Variants in ROBO1 observed in about 807,000 individuals in gnomAD.
ROBO1 encodes the protein roundabout homolog 1.
In ROBO1, 149 loss-of-function variants were observed where a neutral mutation model predicts 195.9. The ratio of observed to expected loss-of-function variants is 0.76; its 90% CI spans 0.67 to 0.87. ROBO1 has a LOEUF of 0.87. Among genes scored for constraint, ROBO1 ranks in the 40% least tolerant of loss-of-function variants. The pLI, the probability that ROBO1 is intolerant of heterozygous loss-of-function variation, is 0.00. For synonymous variants in ROBO1, 816 were observed against 733.2 expected, an observed-to-expected ratio of 1.11 and a Z score of -1.82; for missense variants, 1,933 against 2,068.3, an observed-to-expected ratio of 0.93 and a Z score of 1.27.
At chr3:78,967,123 CT>C (rs1372161709) in intron 3 of ROBO1, among the ~76,000 whole-genome samples, 1 of 152,034 alleles carries the variant, frequency 6.6e-6, no homozygotes, top group Admixed American at 6.6e-5. Context: ...ATTTATTTCC[CT>C]TTTAATATAC....
chr3:79,679,185 T>A (rs1373871860), intron 1 of ROBO1, among the ~76,000 whole-genome samples: 2 of 152,076 alleles, frequency 1.3e-5, no homozygotes, highest in African/African-American at 4.8e-5. Context: ...TGTGTGTGAA[T>A]ATTGAATGCT....
intron 2 of ROBO1, among the ~76,000 whole-genome samples, chr3:79,341,581 C>A (rs1037549190): frequency 1.3e-4 from 19 of 151,902 alleles, no homozygotes; most frequent in Non-Finnish European, 1.9e-4. Context: ...TGGCCTCAAG[C>A]AATCCTCCCA....
In ROBO1 at chr3:78,729,419, G is replaced by A. The variant is rs568214860; in HGVS notation, c.658-11536C>T. On this transcript the variant is annotated intron_variant, in intron 5 of 30. Transcript: ENST00000464233. ...AGTAATAATAGAAAGAAGTAACACA[G>A]CCCTCTTTAAACACAACAATTTTGC... Among the ~76,000 whole-genome samples the A allele has an allele frequency of 7.2e-5, 11 of 152,322 alleles. No homozygotes were observed. The East Asian group carries it at 2.1e-3, about 29-fold the overall frequency.
At chr3:78,856,540 C>T (rs968247588) in intron 4 of ROBO1, among the ~76,000 whole-genome samples, 5 of 151,590 alleles carry the variant, frequency 3.3e-5, no homozygotes, top group African/African-American at 7.3e-5. Flanking sequence ...CAACATTTAG[C>T]GTATAACCAA....
intron 2 of ROBO1, among the ~76,000 whole-genome samples, chr3:79,216,387 A>T (rs536592187): frequency 6.6e-5 from 10 of 152,190 alleles, no homozygotes; most frequent in African/African-American, 2.2e-4. Flanking sequence ...TTATGCATGC[A>T]TGATTTATTC....
chr3:78,954,789 T>C (rs544441037), intron 3 of ROBO1, among the ~76,000 whole-genome samples: 1 of 152,156 alleles, frequency 6.6e-6, no homozygotes, highest in South Asian at 2.1e-4. Flanking sequence ...AACCTCAATA[T>C]ACAGAACATG....
At chr3:78,949,533 T>C (rs2040653744) in intron 3 of ROBO1, among the ~76,000 whole-genome samples, 2 of 152,188 alleles carry the variant, frequency 1.3e-5, no homozygotes, top group Admixed American at 6.5e-5. Context: ...AAGACTTAAA[T>C]GTTAGACCTA....
chr3:78,693,441 TAAC>T (rs2081219992), intron 8 of ROBO1: 4 of 972,744 alleles, frequency 4.1e-6, no homozygotes, highest in East Asian at 2.6e-5. Flanking sequence ...AGATTTGACT[TAAC>T]AATGATTCTT....
intron 2 of ROBO1, among the ~76,000 whole-genome samples, chr3:79,409,985 C>T (rs940052796): frequency 6.6e-6 from 1 of 151,892 alleles, no homozygotes; most frequent in Non-Finnish European, 1.5e-5. Flanking sequence ...AAAATATGGC[C>T]CCTAAGCTTA....
intron 2 of ROBO1, among the ~76,000 whole-genome samples, chr3:79,426,653 C>A (rs1213163083): frequency 6.6e-6 from 1 of 152,172 alleles, no homozygotes; most frequent in African/African-American, 2.4e-5. Context: ...CAGGCGTAAG[C>A]CACCGTGCCT....
intron 2 of ROBO1, among the ~76,000 whole-genome samples, chr3:79,385,885 T>G (rs2036724689): frequency 6.6e-6 from 1 of 152,212 alleles, no homozygotes; most frequent in Non-Finnish European, 1.5e-5. Flanking sequence ...ACTTTTATAC[T>G]GTAGATTTAC....
intron 3 of ROBO1, among the ~76,000 whole-genome samples, chr3:78,955,386 C>T (rs905437929): frequency 2.0e-5 from 3 of 152,034 alleles, no homozygotes; most frequent in African/African-American, 4.8e-5. Context: ...CCGGTAAACC[C>T]CAGTGTCTGT....
intron 1 of ROBO1, among the ~76,000 whole-genome samples, chr3:79,681,455 C>T (rs7635296): frequency 0.6 from 91,643 of 151,704 alleles, 27,902 homozygotes; most frequent in South Asian, 0.69. Flanking sequence ...CCAGAGGCCA[C>T]TGGGAAAGGA....
At chr3:79,231,743 T>TGA (rs2082325097) in intron 2 of ROBO1, among the ~76,000 whole-genome samples, 1 of 152,108 alleles carries the variant, frequency 6.6e-6, no homozygotes, top group South Asian at 2.1e-4. Context: ...AATTATTCTA[T>TGA]TATAAAGACA....
intron 3 of ROBO1, among the ~76,000 whole-genome samples, chr3:79,008,592 T>C (rs562343562): frequency 6.6e-6 from 1 of 151,342 alleles, no homozygotes; most frequent in East Asian, 1.9e-4. Context: ...TATTTATGTA[T>C]ACGTGCATTT....
chr3:79,080,334 T>A (rs2079249570), intron 3 of ROBO1, among the ~76,000 whole-genome samples: 1 of 152,062 alleles, frequency 6.6e-6, no homozygotes, highest in Non-Finnish European at 1.5e-5. Context: ...GTCTTCTCAT[T>A]GTCCATGAAA....
At chr3:78,913,279 A>G (rs917019538) in intron 4 of ROBO1, among the ~76,000 whole-genome samples, 3 of 152,124 alleles carry the variant, frequency 2.0e-5, no homozygotes, top group Admixed American at 6.6e-5. Context: ...TTTTGGTGAC[A>G]GTAGGGCTAA....
At chr3:79,762,493 T>TTTTTTTTTTTTTTTTTTTTTTTTGAG (rs1704754177) in intron 1 of ROBO1, among the ~76,000 whole-genome samples, 5 of 151,826 alleles carry the variant, frequency 3.3e-5, no homozygotes, top group Non-Finnish European at 7.4e-5. Context: ...GAGGAATACT[T>TTTTTTTTTTTTTTTTTTTTTTTTGAG]AAACCTATTT....
chr3:78,892,008 C>T (rs749009509), intron 4 of ROBO1, among the ~76,000 whole-genome samples: 4 of 152,156 alleles, frequency 2.6e-5, no homozygotes, highest in Non-Finnish European at 4.4e-5. Flanking sequence ...TGTGGTTACA[C>T]GGGTTTGTGA....
Sources: allele counts gnomAD v4.1 joint callset (sites outside exome capture counted in the v4.1 genomes callset), GRCh38; gene constraint gnomAD v4.1.1; transcripts MANE v1.5; gene names NCBI Gene and HGNC (gene_info 2026-07-23, HGNC 2026-07-21).